TAOK3: variants seen among roughly 807,000 people sequenced by gnomAD.
TAOK3 encodes the protein serine/threonine-protein kinase TAO3.
In TAOK3, 40 loss-of-function variants were observed where a neutral mutation model predicts 120.4. That is an observed-to-expected ratio of 0.33 (90% confidence interval 0.26 to 0.43). The LOEUF is 0.43. Ranked by LOEUF, TAOK3 falls within the 20% of genes least tolerant of loss-of-function variation. The probability of loss-of-function intolerance (pLI) is 1.00; values close to 1 mark genes in which losing one functional copy is unlikely to be tolerated. For missense variants in TAOK3, 821 were observed against 1,112.1 expected (o/e 0.74, Z 3.72); for synonymous variants, 355 against 387.5 (o/e 0.92, Z 0.99).
intron 1 of TAOK3, among the ~76,000 whole-genome samples, chr12:118,291,210 G>A (rs539753810): frequency 6.7e-6 from 1 of 150,260 alleles, no homozygotes; most frequent in Admixed American, 6.7e-5. Flanking sequence ...AGGCTGGAGT[G>A]CAATGGTGAG....
At chr12:118,355,763 A>G (rs1000428749) in intron 1 of TAOK3, among the ~76,000 whole-genome samples, 3 of 152,238 alleles carry the variant, frequency 2.0e-5, no homozygotes, top group African/African-American at 7.2e-5. Flanking sequence ...ATTCTTGCAC[A>G]CTGAGCTCTT....
In TAOK3 at chr12:118,243,522, G is replaced by A. The variant is rs2040345556; in HGVS notation, c.193-6C>T. The A allele has an allele frequency of 1.5e-6, 2 of 1,320,692 alleles. No homozygotes were observed. Among genetic ancestry groups the A allele is most frequent in the East Asian group, 5.1e-5 (2 of 39,132 alleles). The allele number at this position is 1,320,692 out of a possible 1,614,324, so 81.8% of individuals were successfully genotyped here. ...TTAAGAATATCTTGCCATTTCTATT[G>A]AAGTCAGAAAAGGAACATTTTAATT... On this transcript the variant is annotated splice_region_variant and splice_polypyrimidine_tract_variant and intron_variant, in intron 4 of 20. Coordinates refer to ENST00000392533, the MANE Select transcript of TAOK3 (RefSeq NM_016281.4).
At chr12:118,258,173 A>T (rs1338278623) in intron 2 of TAOK3, among the ~76,000 whole-genome samples, 2 of 152,160 alleles carry the variant, frequency 1.3e-5, no homozygotes, top group Non-Finnish European at 2.9e-5. Context: ...TGAGCCAAGG[A>T]AAATTGCAAA....
At chr12:118,247,691 A>G (rs1399776215) in intron 3 of TAOK3, among the ~76,000 whole-genome samples, 1 of 151,890 alleles carries the variant, frequency 6.6e-6, no homozygotes, top group African/African-American at 2.4e-5. Context: ...ATTTTTATAT[A>G]TGTAGTAGAG....
chr12:118,218,007 A>G (rs1034077555), intron 9 of TAOK3, among the ~76,000 whole-genome samples: 1 of 149,836 alleles, frequency 6.7e-6, no homozygotes, highest in Non-Finnish European at 1.5e-5. Context: ...CTACAGGCGC[A>G]TGCCACCACG....
chr12:118,237,664 G>A (rs1400200859), intron 7 of TAOK3, among the ~76,000 whole-genome samples: 2 of 152,078 alleles, frequency 1.3e-5, no homozygotes, highest in Non-Finnish European at 2.9e-5. Flanking sequence ...ATATTTTAAA[G>A]TTATAAAATA....
At chr12:118,208,650 A>G (rs1296967763) in intron 11 of TAOK3, among the ~76,000 whole-genome samples, 1 of 152,232 alleles carries the variant, frequency 6.6e-6, no homozygotes, top group Non-Finnish European at 1.5e-5. Flanking sequence ...GGCAATATCT[A>G]TCTAAATTTA....
At chr12:118,181,725 T>A in intron 14 of TAOK3, 118 bp from the exon 15 acceptor site, 1 of 815,800 alleles carries the variant, frequency 1.2e-6, no homozygotes, top group Non-Finnish European at 2.0e-6. Flanking sequence ...TCAATTTACC[T>A]ACTGTTTAGT....
intron 7 of TAOK3, 117 bp downstream of exon 7, chr12:118,237,956 A>G: frequency 1.6e-6 from 1 of 623,974 alleles, no homozygotes; most frequent in African/African-American, 1.8e-5. Context: ...GCAGCAATCT[A>G]TTTGCTTCCC....
At chr12:118,272,893 T>C (rs1466572968) in intron 1 of TAOK3, among the ~76,000 whole-genome samples, 1 of 152,006 alleles carries the variant, frequency 6.6e-6, no homozygotes, top group Non-Finnish European at 1.5e-5. Flanking sequence ...GGAGGATTGC[T>C]TGAGCCCAGG....
At chr12:118,316,305 A>G (rs1435689863) in intron 1 of TAOK3, among the ~76,000 whole-genome samples, 1 of 152,224 alleles carries the variant, frequency 6.6e-6, no homozygotes, top group Non-Finnish European at 1.5e-5. Flanking sequence ...GGTTAAATAT[A>G]CTAGCTTACA....
intron 1 of TAOK3, among the ~76,000 whole-genome samples, chr12:118,269,352 A>G (rs2041601012): frequency 6.9e-6 from 1 of 143,964 alleles, no homozygotes; most frequent in African/African-American, 2.6e-5. Flanking sequence ...AAATAGTTAC[A>G]TAATTAATTT....
At chr12:118,311,723 T>A (rs969461968) in intron 1 of TAOK3, among the ~76,000 whole-genome samples, 3 of 152,150 alleles carry the variant, frequency 2.0e-5, no homozygotes, top group African/African-American at 7.2e-5. Context: ...AGAACTCTTT[T>A]CAGAGAATAA....
At chr12:118,156,011 G>A (rs2034794513) in intron 19 of TAOK3, among the ~76,000 whole-genome samples, 1 of 152,152 alleles carries the variant, frequency 6.6e-6, no homozygotes, top group South Asian at 2.1e-4. Flanking sequence ...ACAGGCGTGA[G>A]CCACCGCGCC....
chr12:118,351,598 A>G (rs1019501187), intron 1 of TAOK3, among the ~76,000 whole-genome samples: 2 of 152,220 alleles, frequency 1.3e-5, no homozygotes, highest in African/African-American at 4.8e-5. Flanking sequence ...CTTGGCATCA[A>G]TACAAAGGAA....
At chr12:118,259,312 G>A (rs1049319665) in intron 2 of TAOK3, among the ~76,000 whole-genome samples, 1 of 152,130 alleles carries the variant, frequency 6.6e-6, no homozygotes, top group Admixed American at 6.5e-5. Context: ...TTGGAAGGCC[G>A]AGGTGGGCAG....
intron 13 of TAOK3, chr12:118,190,678 T>C (rs2037387201): frequency 1.3e-5 from 2 of 152,252 alleles, no homozygotes; most frequent in Admixed American, 1.3e-4. Context: ...AGCTGGAATT[T>C]AATGTCCTTG....
intron 13 of TAOK3, among the ~76,000 whole-genome samples, chr12:118,195,192 C>T (rs1392588356): frequency 6.6e-6 from 1 of 151,868 alleles, no homozygotes; most frequent in East Asian, 1.9e-4. Context: ...AATAAGCATA[C>T]CTAAAATAAC....
In TAOK3 at chr12:118,178,737, C is replaced by T. The variant is rs150420744; in HGVS notation, c.1567-1408G>A. On this transcript the variant is annotated intron_variant, in intron 15 of 20. Transcript: ENST00000392533. ...CCTCCCAAAGTACTGGGATTACAGG[C>T]ATGAGCCATTTTATTCTCTTAGGCA... 6.8e-3 allele frequency among the ~76,000 whole-genome samples: 1,038 copies of T among 152,326 alleles called. 15 individuals are homozygous for T. The highest frequency in any genetic ancestry group is 0.023 in the African/African-American group (970 of 41,582).
Sources: gnomAD v4.1 joint callset for allele counts (sites outside exome capture counted in the v4.1 genomes callset) on GRCh38, gnomAD v4.1.1 for gene constraint, MANE v1.5 for transcripts, NCBI Gene and HGNC (gene_info 2026-07-23, HGNC 2026-07-21) for gene names.